CSMD2: variants seen among roughly 807,000 people sequenced by gnomAD.
The protein encoded by CSMD2 is CUB and sushi domain-containing protein 2.
CSMD2 carries 130 observed loss-of-function variants against 398.5 expected under a neutral mutation model. The ratio of observed to expected loss-of-function variants is 0.33; its 90% CI spans 0.28 to 0.38. The LOEUF is 0.38. Ranked by LOEUF, CSMD2 falls within the 10% of genes least tolerant of loss-of-function variation. CSMD2 has a pLI of 1.00. For synonymous variants in CSMD2, 1,828 were observed against 1,908.5 expected (o/e 0.96, Z 1.10); for missense variants, 3,829 against 4,764.9 (o/e 0.80, Z 5.78).
chr1:33,743,357 C>G lies in CSMD2; in HGVS notation c.2096G>C (p.Ser699Thr). The change falls in exon 14 of 71, where the codon AGC (serine) becomes ACC (threonine). Residue 699 changes from serine to threonine, a missense_variant. Transcript: ENST00000373381. ...CTCGAGACGGGCCACGTGGCCACTG[C>G]TTGTGATGGAGGAGGGAAGCTGGTT... The part of the protein sequence containing the change: ...SGNQLPSSIT[S>T]SGHVARLEFQ... The G allele has an allele frequency of 6.2e-7, 1 of 1,614,164 alleles. No homozygotes were observed. Among genetic ancestry groups the G allele is most frequent in the Non-Finnish European group, 8.5e-7 (1 of 1,180,032 alleles).
At chr1:33,611,378 C>T (rs1640992759) in intron 40 of CSMD2, 128 bp from the exon 41 acceptor site, 2 of 774,874 alleles carry the variant, frequency 2.6e-6, no homozygotes, top group Admixed American at 5.0e-5. Flanking sequence ...AGCCAAGGCT[C>T]CTAGAACTGG....
At chr1:33,560,569 T>C (rs893994592) in intron 53 of CSMD2, among the ~76,000 whole-genome samples, 3 of 152,346 alleles carry the variant, frequency 2.0e-5, no homozygotes, top group East Asian at 3.9e-4. Flanking sequence ...AGATATCCCT[T>C]AACTCCTGCC....
In CSMD2 at chr1:33,663,036, T is replaced by G; in HGVS notation, c.4109A>C (p.Asp1370Ala). Residue 1370 changes from aspartate (D) to alanine (A), a missense_variant, in exon 26 of 71, where the codon GAT becomes GCT. This residue lies in a region of CSMD2 where 2,001 missense variants were observed against 2,567.1 expected (regional missense o/e 0.78). Transcript: ENST00000373381. ...EEVHDVLRIW[D>A]GPVESGVLLK... ...CAGAACCCCGCTCTCCACAGGCCCATCCCAGATGCGCAGCACGTCGTGAAC... is the reference window on the plus strand; with the variant it reads ...CAGAACCCCGCTCTCCACAGGCCCAGCCCAGATGCGCAGCACGTCGTGAAC... 6.2e-7 allele frequency: 1 copy of G among 1,614,174 alleles called. No individual in the cohort carries two copies. Among genetic ancestry groups the G allele is most frequent in the Non-Finnish European group, 8.5e-7 (1 of 1,180,030 alleles).
intron 16 of CSMD2, among the ~76,000 whole-genome samples, chr1:33,725,925 TAA>T (rs1409993097): frequency 7.1e-6 from 1 of 140,706 alleles, no homozygotes. Flanking sequence ...AAAGAGATCT[TAA>T]AAAAAAAAAA....
chr1:33,850,214 CCT>C (rs1292920145), intron 5 of CSMD2, among the ~76,000 whole-genome samples: 1 of 151,882 alleles, frequency 6.6e-6, no homozygotes, highest in Non-Finnish European at 1.5e-5. Context: ...TGCCTTTCAC[CCT>C]GAGTGTGCAC....
chr1:33,961,940 A>G (rs1169823264), intron 3 of CSMD2, among the ~76,000 whole-genome samples: 7 of 152,180 alleles, frequency 4.6e-5, no homozygotes, highest in African/African-American at 1.7e-4. Context: ...ATAGCAACAC[A>G]AATGGAAGAA....
intron 37 of CSMD2, among the ~76,000 whole-genome samples, chr1:33,621,151 C>T (rs545406200): frequency 6.6e-6 from 1 of 152,342 alleles, no homozygotes; most frequent in East Asian, 1.9e-4. Context: ...TCTCTCCTTT[C>T]CTCTGCACTT....
In CSMD2 at chr1:33,557,811, C is replaced by T. The variant is rs1161203497; in HGVS notation, c.8666G>A (p.Gly2889Asp). The T allele has an allele frequency of 6.5e-7, 1 of 1,536,108 alleles. No homozygotes were observed. The highest frequency in any genetic ancestry group is 1.2e-5 in the South Asian group (1 of 84,056). Residue 2889 changes from glycine (G) to aspartate (D), a missense_variant, in exon 55 of 71, where the codon GGC becomes GAC. Transcript: ENST00000373381. ...CACTGGGGTGCCCAGGAGGTAGAAG[C>T]CGTGGTTGCACCGGTAAGACACAGT... ...GTTVSYRCNH[G>D]FYLLGTPVLS...
intron 3 of CSMD2, among the ~76,000 whole-genome samples, chr1:34,031,879 T>C (rs1650487751): frequency 1.3e-5 from 2 of 151,832 alleles, no homozygotes; most frequent in African/African-American, 4.8e-5. Context: ...CTATTAATGA[T>C]CTTAACACAA....
chr1:33,877,393 G>C (rs1205531476), intron 5 of CSMD2, among the ~76,000 whole-genome samples: 2 of 152,118 alleles, frequency 1.3e-5, no homozygotes, highest in African/African-American at 4.8e-5. Flanking sequence ...TGTCGCACTG[G>C]GGGAGATGAG....
intron 15 of CSMD2, among the ~76,000 whole-genome samples, chr1:33,738,496 G>A (rs1011878833): frequency 1.3e-5 from 2 of 152,154 alleles, no homozygotes; most frequent in African/African-American, 2.4e-5. Context: ...TATTTTAAAT[G>A]TCTGTAGTTT....
chr1:33,945,984 G>C (rs138866256), intron 3 of CSMD2, among the ~76,000 whole-genome samples: 52 of 152,310 alleles, frequency 3.4e-4, no homozygotes, highest in Non-Finnish European at 6.2e-4. Context: ...TAGTGGGGTA[G>C]AAAATTATTT....
At chr1:33,706,374 T>A (rs1329075625) in intron 22 of CSMD2, among the ~76,000 whole-genome samples, 1 of 152,246 alleles carries the variant, frequency 6.6e-6, no homozygotes, top group Non-Finnish European at 1.5e-5. Flanking sequence ...GTTCATTGCC[T>A]CCATTCCATT....
intron 6 of CSMD2, chr1:33,840,081 A>T (rs1660700346): frequency 1.3e-5 from 2 of 152,202 alleles, no homozygotes; most frequent in African/African-American, 2.4e-5. Flanking sequence ...TGGAATTCCT[A>T]AAGAAGAGAA....
At chr1:33,708,398 CAAAT>C (rs55955044) in intron 22 of CSMD2, among the ~76,000 whole-genome samples, 47,001 of 151,708 alleles carry the variant, frequency 0.31, 8,281 homozygotes, top group Middle Eastern at 0.47. Context: ...TCCCCAAAAC[CAAAT>C]AAATACATGG....
intron 25 of CSMD2, among the ~76,000 whole-genome samples, chr1:33,675,629 A>C (rs1644682477): frequency 6.6e-6 from 1 of 152,248 alleles, no homozygotes; most frequent in African/African-American, 2.4e-5. Context: ...TCATTCTGAT[A>C]CCAAAGCCTG....
chr1:33,654,803 C>A (rs1251030419), intron 27 of CSMD2, among the ~76,000 whole-genome samples: 4 of 152,248 alleles, frequency 2.6e-5, no homozygotes, highest in Admixed American at 1.3e-4. Context: ...TGGTTCCCAG[C>A]CTCCACGTCC....
At chr1:33,771,831 C>T (rs1440824427) in intron 13 of CSMD2, among the ~76,000 whole-genome samples, 1 of 152,196 alleles carries the variant, frequency 6.6e-6, no homozygotes, top group African/African-American at 2.4e-5. Flanking sequence ...GACGTAACAG[C>T]CCAGAGAAGC....
At chr1:33,937,914 TG>T (rs1257735928) in intron 3 of CSMD2, among the ~76,000 whole-genome samples, 1 of 152,236 alleles carries the variant, frequency 6.6e-6, no homozygotes, top group Non-Finnish European at 1.5e-5. Flanking sequence ...CATGAGGGCG[TG>T]GGCCTAGTCT....
Sources: gnomAD v4.1 joint callset for allele counts (sites outside exome capture counted in the v4.1 genomes callset) on GRCh38, gnomAD v4.1.1 for gene constraint, gnomAD v4.1.1 regional missense constraint, MANE v1.5 for transcripts, NCBI Gene and HGNC (gene_info 2026-07-23, HGNC 2026-07-21) for gene names.